Variants in GALNT13 observed in about 807,000 individuals in gnomAD.
The protein encoded by GALNT13 is UDP-GalNAc:polypeptide N-acetylgalactosaminyltransferase 13.
Under a neutral mutation model 64.2 loss-of-function variants are expected in GALNT13, and 28 were observed. The observed-to-expected ratio is 0.44, with a 90% CI of 0.32 to 0.60. The LOEUF is 0.60. Ranked by LOEUF, GALNT13 falls within the 20% of genes least tolerant of loss-of-function variation. GALNT13 has a pLI of 0.05. For synonymous variants in GALNT13, 214 were observed against 224.6 expected (o/e 0.95, Z 0.42); for missense variants, 577 against 669.8 (o/e 0.86, Z 1.53).
At chr2:154,056,593 A>C (rs917274712) in intron 3 of GALNT13, among the ~76,000 whole-genome samples, 1 of 152,168 alleles carries the variant, frequency 6.6e-6, no homozygotes, top group Non-Finnish European at 1.5e-5. Context: ...TAGAGCCATC[A>C]TTAAATGAAT....
chr2:154,300,078 T>G (rs77710993), intron 8 of GALNT13, among the ~76,000 whole-genome samples: 4,989 of 144,186 alleles, frequency 0.035, 102 homozygotes, highest in East Asian at 0.11. Context: ...GAAAAGATAG[T>G]TTTTTTTTCT....
chr2:154,204,849 G>A (rs754609463), intron 4 of GALNT13, among the ~76,000 whole-genome samples: 2 of 152,196 alleles, frequency 1.3e-5, no homozygotes, highest in African/African-American at 4.8e-5. Flanking sequence ...TTCACTTCAA[G>A]TGTCAGTTCT....
the GALNT13 span, among the ~76,000 whole-genome samples, chr2:153,178,337 G>T: frequency 6.6e-6 from 1 of 152,104 alleles, no homozygotes; most frequent in Admixed American, 6.6e-5. Context: ...AGTGTACAAT[G>T]GTTCCCTTTT....
the GALNT13 span, among the ~76,000 whole-genome samples, chr2:153,702,929 T>C: frequency 6.6e-6 from 1 of 152,148 alleles, no homozygotes; most frequent in African/African-American, 2.4e-5. Context: ...GCCCTGGCAC[T>C]TTCATATTAA....
chr2:153,942,663 AT>A (rs1406034167), intron 2 of GALNT13, among the ~76,000 whole-genome samples: 13 of 150,816 alleles, frequency 8.6e-5, no homozygotes, highest in African/African-American at 2.7e-4. Context: ...AATGTCATGT[AT>A]TCTTTGGATT....
At chr2:154,400,181 G>C (rs1699236538) in intron 10 of GALNT13, among the ~76,000 whole-genome samples, 1 of 152,068 alleles carries the variant, frequency 6.6e-6, no homozygotes. Flanking sequence ...CCTTCTTACT[G>C]CCTGTTATTA....
rs1365077072 is a variant in GALNT13, at chr2:153,884,805, A to ATGTGTGTG, written c.-177+12510_-177+12517dup. ...TATATATGTGTGTGTATATATATATATGTGTGTGTGTGTGTATATATATGT... is the reference window on the plus strand; with the variant it reads ...TATATATGTGTGTGTATATATATATATGTGTGTGTGTGTGTGTGTGTGTATATATATGT... On this transcript the variant is annotated intron_variant, in intron 1 of 12. Coordinates refer to ENST00000392825, the MANE Select transcript of GALNT13 (RefSeq NM_052917.4). Among the ~76,000 whole-genome samples, 973 of 133,624 alleles carry ATGTGTGTG rather than the reference A, an allele frequency of 7.3e-3. 21 individuals carry two copies. The highest frequency in any genetic ancestry group is 0.027 in the African/African-American group (921 of 33,504). 87.7% of individuals were successfully genotyped at this position (133,624 alleles called of 152,430 possible).
At chr2:153,795,332 G>T in the GALNT13 span, among the ~76,000 whole-genome samples, 1 of 152,082 alleles carries the variant, frequency 6.6e-6, no homozygotes, top group Admixed American at 6.6e-5. Flanking sequence ...GACATTCCTT[G>T]ACTAAGGTAG....
chr2:153,258,379 C>CAAAACAAAACAAAAG, the GALNT13 span, among the ~76,000 whole-genome samples: 1 of 138,504 alleles, frequency 7.2e-6, no homozygotes, highest in African/African-American at 3.0e-5. Context: ...AAAAACAAAA[C>CAAAACAAAACAAAAG]AAAACAAAAC....
the GALNT13 span, among the ~76,000 whole-genome samples, chr2:153,677,940 C>T: frequency 1.3e-5 from 2 of 151,872 alleles, no homozygotes; most frequent in East Asian, 3.9e-4. Context: ...TGAAGAAAAC[C>T]TAGGAAATAC....
chr2:153,853,215 T>C, the GALNT13 span, among the ~76,000 whole-genome samples: 2 of 152,170 alleles, frequency 1.3e-5, no homozygotes, highest in Admixed American at 6.5e-5. Context: ...ATTCTAGACA[T>C]GCTGGCAGCT....
chr2:153,620,499 A>C, the GALNT13 span, among the ~76,000 whole-genome samples: 1 of 151,866 alleles, frequency 6.6e-6, no homozygotes, highest in South Asian at 2.1e-4. Context: ...AATAGCCTGC[A>C]TTCAAGCTGA....
At chr2:153,981,579 G>A (rs773835361) in intron 3 of GALNT13, among the ~76,000 whole-genome samples, 3 of 152,036 alleles carry the variant, frequency 2.0e-5, no homozygotes, top group Non-Finnish European at 2.9e-5. Flanking sequence ...AGTATTCCCT[G>A]ATGTATATAT....
chr2:153,539,506 T>C, the GALNT13 span, among the ~76,000 whole-genome samples: 1 of 152,162 alleles, frequency 6.6e-6, no homozygotes, highest in African/African-American at 2.4e-5. Context: ...GGTTTTCTTC[T>C]AGGGTGTTTA....
At chr2:153,731,184 CAT>C in the GALNT13 span, among the ~76,000 whole-genome samples, 1 of 147,656 alleles carries the variant, frequency 6.8e-6, no homozygotes, top group Non-Finnish European at 1.5e-5. Context: ...AACATATTGT[CAT>C]ATATATGTTG....
chr2:153,138,488 GGT>G, the GALNT13 span, among the ~76,000 whole-genome samples: 3 of 151,876 alleles, frequency 2.0e-5, no homozygotes, highest in African/African-American at 7.3e-5. Context: ...TCAGATCCCT[GGT>G]TTTTACTTTT....
intron 3 of GALNT13, among the ~76,000 whole-genome samples, chr2:154,106,155 T>A (rs2105475434): frequency 6.6e-6 from 1 of 152,294 alleles, no homozygotes; most frequent in Non-Finnish European, 1.5e-5. Context: ...TCTTTTAGCA[T>A]GGTATTTTTG....
intron 11 of GALNT13, among the ~76,000 whole-genome samples, chr2:154,418,593 G>C (rs1700126273): frequency 6.6e-6 from 1 of 152,174 alleles, no homozygotes; most frequent in Non-Finnish European, 1.5e-5. Flanking sequence ...TGGAGGGAAA[G>C]AGGCCCTGCT....
chr2:154,387,801 A>C (rs1221872388), intron 9 of GALNT13, among the ~76,000 whole-genome samples: 1 of 151,936 alleles, frequency 6.6e-6, no homozygotes, highest in African/African-American at 2.4e-5. Context: ...AGAATACAAC[A>C]CTCTCTTTAT....
Sources: allele counts gnomAD v4.1 joint callset (sites outside exome capture counted in the v4.1 genomes callset), GRCh38; gene constraint gnomAD v4.1.1; transcripts MANE v1.5; gene names NCBI Gene and HGNC (gene_info 2026-07-23, HGNC 2026-07-21).